Variants in SMAP1 observed in about 807,000 individuals in gnomAD.
SMAP1 encodes the protein small ArfGAP 1.
SMAP1 carries 24 observed loss-of-function variants against 58.5 expected under a neutral mutation model. The ratio of observed to expected loss-of-function variants is 0.41; its 90% CI spans 0.30 to 0.58. SMAP1 has a LOEUF of 0.58. SMAP1 is among the 20% of genes least tolerant of loss of function. The pLI, the probability that SMAP1 is intolerant of heterozygous loss-of-function variation, is 0.29. For missense variants in SMAP1, 563 were observed against 566.3 expected, an observed-to-expected ratio of 0.99 and a Z score of 0.06; for synonymous variants, 216 against 196.6, an observed-to-expected ratio of 1.10 and a Z score of -0.82.
intron 3 of SMAP1, among the ~76,000 whole-genome samples, chr6:70,772,763 GTTC>G (rs1322896542): frequency 1.3e-5 from 2 of 152,156 alleles, no homozygotes; most frequent in Admixed American, 6.5e-5. Context: ...ATTGGCCACT[GTTC>G]TTCTAATACA....
chr6:70,704,977 T>G lies in SMAP1; in HGVS notation c.119-27401T>G, dbSNP rs540068261. Among the ~76,000 whole-genome samples, 964 of 152,356 alleles carry G rather than the reference T, an allele frequency of 6.3e-3. 5 individuals carry two copies. Among genetic ancestry groups the G allele is most frequent in the Non-Finnish European group, 9.1e-3 (616 of 68,030 alleles). ...AATATCTAACTTGTTTTTCTCTGTC[T>G]TGCTTTCTTGGGATTTGTAGTTCAT... On this transcript the variant is annotated intron_variant, in intron 1 of 10. Coordinates refer to ENST00000370455, the MANE Select transcript of SMAP1 (RefSeq NM_001044305.3).
chr6:70,788,352 A>C (rs1470204921), intron 4 of SMAP1, among the ~76,000 whole-genome samples: 2 of 150,662 alleles, frequency 1.3e-5, no homozygotes, highest in African/African-American at 2.4e-5. Context: ...CTAATGCTAA[A>C]TGACGAGTTA....
chr6:70,816,826 AT>A, intron 6 of SMAP1, among the ~76,000 whole-genome samples: 1 of 152,260 alleles, frequency 6.6e-6, no homozygotes, highest in East Asian at 1.9e-4. Flanking sequence ...CTCCTAGAAG[AT>A]TTTTTAAAAC....
chr6:70,680,617 A>G (rs1350063956), intron 1 of SMAP1, among the ~76,000 whole-genome samples: 2 of 152,176 alleles, frequency 1.3e-5, no homozygotes, highest in Non-Finnish European at 2.9e-5. Flanking sequence ...GTACAAAGCA[A>G]TGAACTAGTG....
At chr6:70,754,945 TTATG>T (rs1766424281) in intron 2 of SMAP1, 31 bp from the exon 3 acceptor site, 2 of 1,376,674 alleles carry the variant, frequency 1.5e-6, no homozygotes, top group African/African-American at 1.4e-5. Context: ...TTTTTAATGT[TTATG>T]TGAGTAATTA....
intron 4 of SMAP1, among the ~76,000 whole-genome samples, chr6:70,776,457 G>A (rs2149918862): frequency 6.6e-6 from 1 of 152,278 alleles, no homozygotes; most frequent in South Asian, 2.1e-4. Context: ...GGGATTACCG[G>A]TGTGAGCCAC....
At chr6:70,852,360 A>G (rs1771216820) in intron 7 of SMAP1, among the ~76,000 whole-genome samples, 180 bp from the exon 8 acceptor site, 1 of 152,210 alleles carries the variant, frequency 6.6e-6, no homozygotes, top group Admixed American at 6.5e-5. Context: ...GGGGGAATCA[A>G]CAAAACTGGA....
intron 4 of SMAP1, among the ~76,000 whole-genome samples, chr6:70,789,535 A>G (rs1339081191): frequency 6.7e-6 from 1 of 149,964 alleles, no homozygotes; most frequent in African/African-American, 2.4e-5. Flanking sequence ...CTTTCTTCTT[A>G]AGTTTGTTTT....
intron 10 of SMAP1, chr6:70,859,225 A>C: frequency 1.4e-6 from 1 of 696,274 alleles, no homozygotes; most frequent in Non-Finnish European, 2.3e-6. Context: ...AAAAAATTGT[A>C]TGTGCTAAGT....
At chr6:70,752,555 T>C (rs925154540) in intron 2 of SMAP1, among the ~76,000 whole-genome samples, 1 of 152,178 alleles carries the variant, frequency 6.6e-6, no homozygotes, top group African/African-American at 2.4e-5. Flanking sequence ...ATTTTTATTA[T>C]TTTTTTCCTG....
chr6:70,821,515 T>C (rs1769890581), intron 6 of SMAP1, among the ~76,000 whole-genome samples: 1 of 152,192 alleles, frequency 6.6e-6, no homozygotes, highest in South Asian at 2.1e-4. Context: ...GTACAGAATT[T>C]CCTGGCAGTT....
rs542649841 is a variant in SMAP1 at position 70,689,883 on chromosome 6, C to T, written c.118+21742C>T. Among the ~76,000 whole-genome samples, 17 of 152,014 alleles carry T rather than the reference C, an allele frequency of 1.1e-4. No individual in the cohort carries two copies. The East Asian group carries it at 1.7e-3, about 16-fold the overall frequency. On this transcript the variant is annotated intron_variant, in intron 1 of 10. Coordinates refer to ENST00000370455, the MANE Select transcript of SMAP1 (RefSeq NM_001044305.3). Reference sequence around the variant, plus strand: ...GATTATTACTAGTATATAGAAATACCGTAGGTTGCTGCATACTTAGGACAT... The same window carrying T: ...GATTATTACTAGTATATAGAAATACTGTAGGTTGCTGCATACTTAGGACAT...
intron 1 of SMAP1, among the ~76,000 whole-genome samples, chr6:70,680,102 T>TCAACAACAACAACAA (rs140699249): frequency 1.5e-4 from 23 of 150,460 alleles, no homozygotes; most frequent in African/African-American, 3.7e-4. Context: ...GATAGTCTTT[T>TCAACAACAACAACAA]CAACAACAAC....
At chr6:70,677,969 A>G (rs1459142830) in intron 1 of SMAP1, among the ~76,000 whole-genome samples, 1 of 152,116 alleles carries the variant, frequency 6.6e-6, no homozygotes, top group Non-Finnish European at 1.5e-5. Context: ...AGTTACTCAG[A>G]TGTTAGGTAG....
intron 8 of SMAP1, among the ~76,000 whole-genome samples, chr6:70,855,489 G>A (rs1771379286): frequency 6.6e-6 from 1 of 151,916 alleles, no homozygotes; most frequent in African/African-American, 2.4e-5. Context: ...ACAGGGAATA[G>A]ACCCCAGGGT....
intron 1 of SMAP1, among the ~76,000 whole-genome samples, chr6:70,676,341 A>G (rs2128549534): frequency 6.6e-6 from 1 of 152,324 alleles, no homozygotes; most frequent in Middle Eastern, 3.4e-3. Context: ...TTGGAGCCTC[A>G]GTATATCTGT....
At chr6:70,856,615 C>G (rs1343369435) in intron 8 of SMAP1, 1 of 312,950 alleles carries the variant, frequency 3.2e-6, no homozygotes, top group Non-Finnish European at 5.8e-6. Flanking sequence ...GTAGTAAATG[C>G]AACTTACTGT....
intron 2 of SMAP1, among the ~76,000 whole-genome samples, chr6:70,752,667 G>GT (rs539151708): frequency 6.6e-6 from 1 of 151,734 alleles, no homozygotes; most frequent in Non-Finnish European, 1.5e-5. Context: ...AGCTCCTGTT[G>GT]TTTTTTTCCC....
chr6:70,842,701 CGGT>C lies in SMAP1; in HGVS notation c.664+5677_664+5679del, dbSNP rs377723874. Reference sequence around the variant, plus strand: ...TCATTTGAAGAGAAATCGGGAGACACGGTGGTTTGGGGCCGTGCAGTGGTGGAA... The same window carrying C: ...TCATTTGAAGAGAAATCGGGAGACACGGTTTGGGGCCGTGCAGTGGTGGAA... On this transcript the variant is annotated intron_variant, in intron 7 of 10. Transcript: ENST00000370455. Among the ~76,000 whole-genome samples, 330 of 152,210 alleles carry C rather than the reference CGGT, an allele frequency of 2.2e-3. 3 individuals carry two copies. The highest frequency in any genetic ancestry group is 7.4e-3 in the African/African-American group (309 of 41,534).
Sources: allele counts gnomAD v4.1 joint callset (sites outside exome capture counted in the v4.1 genomes callset), GRCh38; gene constraint gnomAD v4.1.1; transcripts MANE v1.5; gene names NCBI Gene and HGNC (gene_info 2026-07-23, HGNC 2026-07-21).